SLC10A7: variants seen among roughly 807,000 people sequenced by gnomAD.
SLC10A7 encodes solute carrier family 10 member 7.
A neutral mutation model predicts 43.2 loss-of-function variants in SLC10A7; 29 were observed. The ratio of observed to expected loss-of-function variants is 0.67; its 90% CI spans 0.50 to 0.92. The LOEUF is 0.92. Among genes scored for constraint, SLC10A7 ranks in the 40% least tolerant of loss-of-function variants. The pLI is 0.00. For missense variants in SLC10A7, 295 were observed against 403.2 expected, an observed-to-expected ratio of 0.73 and a Z score of 2.30; for synonymous variants, 152 against 144.8, an observed-to-expected ratio of 1.05 and a Z score of -0.35.
chr4:146,299,826 G>A (rs941237244), intron 7 of SLC10A7, among the ~76,000 whole-genome samples: 1 of 152,198 alleles, frequency 6.6e-6, no homozygotes, highest in Non-Finnish European at 1.5e-5. Context: ...AGACCAATGT[G>A]TATTGCTCTC....
At chr4:146,373,377 G>C (rs1273719121) in intron 5 of SLC10A7, among the ~76,000 whole-genome samples, 3 of 151,822 alleles carry the variant, frequency 2.0e-5, no homozygotes, top group African/African-American at 4.8e-5. Flanking sequence ...AAGTGGCTGA[G>C]GTGGGACGAT....
intron 10 of SLC10A7, among the ~76,000 whole-genome samples, chr4:146,278,080 G>A (rs1285310963): frequency 6.6e-6 from 1 of 152,114 alleles, no homozygotes; most frequent in Non-Finnish European, 1.5e-5. Flanking sequence ...GGTCTTCAAA[G>A]TGTTTTCATA....
At chr4:146,281,407 A>G (rs917061116) in intron 10 of SLC10A7, among the ~76,000 whole-genome samples, 3 of 151,930 alleles carry the variant, frequency 2.0e-5, no homozygotes, top group African/African-American at 7.2e-5. Flanking sequence ...AAAAAAAAAA[A>G]AGAAAAATAA....
chr4:146,470,652 A>G (rs72954557), intron 4 of SLC10A7, among the ~76,000 whole-genome samples: 1,608 of 152,294 alleles, frequency 0.011, 25 homozygotes, highest in African/African-American at 0.036. Context: ...GAGTATTAAA[A>G]TGATGTTTAC....
At chr4:146,403,351 A>G (rs1471750979) in intron 5 of SLC10A7, among the ~76,000 whole-genome samples, 1 of 152,092 alleles carries the variant, frequency 6.6e-6, no homozygotes, top group Admixed American at 6.6e-5. Context: ...CTCCATAACC[A>G]CCTATAGCAC....
chr4:146,298,542 T>C (rs1209079504), intron 7 of SLC10A7, among the ~76,000 whole-genome samples: 2 of 152,160 alleles, frequency 1.3e-5, no homozygotes, highest in African/African-American at 4.8e-5. Context: ...ATTTATAGGG[T>C]AAAAAGTAGG....
chr4:146,416,451 A>T (rs1168598493), intron 5 of SLC10A7, among the ~76,000 whole-genome samples: 1 of 152,210 alleles, frequency 6.6e-6, no homozygotes, highest in Non-Finnish European at 1.5e-5. Flanking sequence ...GCGTGAACAC[A>T]TTCGTTTCTT....
At chr4:146,388,774 A>G (rs80244393) in intron 5 of SLC10A7, among the ~76,000 whole-genome samples, 3 of 110,742 alleles carry the variant, frequency 2.7e-5, no homozygotes, top group Non-Finnish European at 5.8e-5. Flanking sequence ...AACAACAACA[A>G]AAAAAAAAAC....
intron 4 of SLC10A7, chr4:146,477,945 G>A (rs538596817): frequency 6.6e-5 from 10 of 152,290 alleles, no homozygotes; most frequent in Non-Finnish European, 1.0e-4. Flanking sequence ...ATGGCTTAGA[G>A]ATTTCAATCA....
chr4:146,293,865 A>G, intron 8 of SLC10A7, 65 bp downstream of exon 8: 1 of 1,053,212 alleles, frequency 9.5e-7, no homozygotes, highest in Non-Finnish European at 1.3e-6. Flanking sequence ...TAGAGAACAC[A>G]CAGTGCTACG....
At chr4:146,468,000 C>T (rs1239281554) in intron 4 of SLC10A7, among the ~76,000 whole-genome samples, 1 of 152,158 alleles carries the variant, frequency 6.6e-6, no homozygotes, top group Non-Finnish European at 1.5e-5. Flanking sequence ...AGAGATATTA[C>T]AGTGTATAAT....
At position 146,350,090 on chromosome 4, in the gene SLC10A7, C is replaced by A. The variant is rs28833493; in HGVS notation, c.436-24094G>T. Among the ~76,000 whole-genome samples the A allele has an allele frequency of 6.9e-3, 1,045 of 151,418 alleles. 9 individuals are homozygous for A. The highest frequency in any genetic ancestry group is 0.024 in the African/African-American group (971 of 41,222). ...CTCCCAGCGTGAGCGACGCAGAAGA[C>A]GGGTGATTTCTGCATTTCCATCTGA... On this transcript the variant is annotated intron_variant, in intron 5 of 11. Coordinates refer to ENST00000335472, the MANE Select transcript of SLC10A7 (RefSeq NM_001029998.6).
intron 7 of SLC10A7, among the ~76,000 whole-genome samples, chr4:146,305,273 T>C (rs909158302): frequency 6.6e-6 from 1 of 151,280 alleles, no homozygotes; most frequent in Middle Eastern, 3.4e-3. Context: ...ATGTCCTTTG[T>C]AGGGACATGG....
intron 10 of SLC10A7, among the ~76,000 whole-genome samples, chr4:146,263,930 A>G (rs562305752): frequency 6.6e-6 from 1 of 152,248 alleles, no homozygotes. Context: ...GCACTTTCTC[A>G]GCACATTACT....
intron 5 of SLC10A7, among the ~76,000 whole-genome samples, chr4:146,411,782 G>C (rs1386990343): frequency 1.3e-5 from 2 of 152,058 alleles, no homozygotes; most frequent in African/African-American, 4.8e-5. Context: ...GAAGCCTATA[G>C]GTGATCTGTT....
chr4:146,324,626 G>GA (rs1335906390), intron 6 of SLC10A7, among the ~76,000 whole-genome samples: 1 of 152,118 alleles, frequency 6.6e-6, no homozygotes, highest in Non-Finnish European at 1.5e-5. Flanking sequence ...GGGGACCTCA[G>GA]ACAGGCCTGC....
At chr4:146,351,755 T>G (rs1189438677) in intron 5 of SLC10A7, among the ~76,000 whole-genome samples, 6 of 142,974 alleles carry the variant, frequency 4.2e-5, no homozygotes, top group African/African-American at 5.3e-5. Flanking sequence ...AAAAGAATTT[T>G]CAACCCAGAA....
At chr4:146,380,738 G>A (rs1644844297) in intron 5 of SLC10A7, among the ~76,000 whole-genome samples, 1 of 151,848 alleles carries the variant, frequency 6.6e-6, no homozygotes, top group Non-Finnish European at 1.5e-5. Flanking sequence ...ATACAAACTG[G>A]CACATTATAT....
chr4:146,463,323 A>G (rs1732704874), intron 4 of SLC10A7, among the ~76,000 whole-genome samples: 1 of 152,192 alleles, frequency 6.6e-6, no homozygotes, highest in Admixed American at 6.6e-5. Flanking sequence ...CGAATATTGC[A>G]TATGATTAAT....
Sources: allele counts gnomAD v4.1 joint callset (sites outside exome capture counted in the v4.1 genomes callset), GRCh38; gene constraint gnomAD v4.1.1; transcripts MANE v1.5; gene names NCBI Gene and HGNC (gene_info 2026-07-23, HGNC 2026-07-21).